NME9: variants seen among roughly 807,000 people sequenced by gnomAD.
NME9 encodes thioredoxin domain-containing protein 6.
NME9 carries 48 observed loss-of-function variants against 44.4 expected under a neutral mutation model. The observed-to-expected ratio is 1.08, with a 90% CI of 0.86 to 1.37. The LOEUF (loss-of-function observed/expected upper bound fraction) is 1.37, where lower values mean the gene tolerates loss of function less well. Ranked by LOEUF, NME9 falls within the 40% of genes most tolerant of loss-of-function variation. The pLI, the probability that NME9 is intolerant of heterozygous loss-of-function variation, is 0.00. For missense variants in NME9, 325 were observed against 405.2 expected, an observed-to-expected ratio of 0.80 and a Z score of 1.70; for synonymous variants, 139 against 147.1, an observed-to-expected ratio of 0.94 and a Z score of 0.40.
At chr3:138,270,052 T>G (rs1560021981) in intron 8 of NME9, 1 of 1,612,852 alleles carries the variant, frequency 6.2e-7, no homozygotes, top group Non-Finnish European at 8.5e-7. Flanking sequence ...AATTTTGGAA[T>G]CAGGAGCCGT....
At chr3:138,320,661 G>A (rs1426559907) in intron 2 of NME9, among the ~76,000 whole-genome samples, 1 of 152,228 alleles carries the variant, frequency 6.6e-6, no homozygotes, top group East Asian at 1.9e-4. Flanking sequence ...GGGAAGGAAG[G>A]CTTCCCATGA....
intron 8 of NME9, among the ~76,000 whole-genome samples, chr3:138,268,034 G>A (rs1201772104): frequency 6.6e-6 from 1 of 152,140 alleles, no homozygotes; most frequent in Non-Finnish European, 1.5e-5. Context: ...CTTGAGGTCA[G>A]GAGTTTGAGA....
At chr3:138,295,996 T>G in intron 8 of NME9, 1 of 1,255,112 alleles carries the variant, frequency 8.0e-7, no homozygotes. Flanking sequence ...CACCTTGGAC[T>G]GCAGGGAGCT....
intron 1 of NME9, among the ~76,000 whole-genome samples, chr3:138,325,598 G>C (rs931348371): frequency 8.6e-5 from 13 of 151,966 alleles, no homozygotes; most frequent in African/African-American, 3.1e-4. Context: ...AGTTGAGACG[G>C]GGTTCCACCA....
At position 138,272,451 on chromosome 3, in the gene NME9, A is replaced by G. The variant is rs531154301; in HGVS notation, c.746-9865T>C. 4.0e-5 allele frequency among the ~76,000 whole-genome samples: 6 copies of G among 151,790 alleles called. No homozygotes were observed. The South Asian group carries it at 8.3e-4, about 21-fold the overall frequency. On this transcript the variant is annotated intron_variant, in intron 8 of 8. Coordinates refer to the NME9 transcript ENST00000317876. ...GTACCTAAAAGTGGTCACATTCCTC[A>G]TGTAGAAGTATATCTAAGAGTAACA...
intron 6 of NME9, among the ~76,000 whole-genome samples, chr3:138,307,677 G>A (rs779713850): frequency 7.9e-5 from 12 of 152,164 alleles, no homozygotes; most frequent in Non-Finnish European, 1.8e-4. Flanking sequence ...TAGAGGTAGA[G>A]GAAGAAGAAA....
At chr3:138,277,638 A>AT (rs1203201776) in intron 8 of NME9, among the ~76,000 whole-genome samples, 1 of 152,210 alleles carries the variant, frequency 6.6e-6, no homozygotes, top group East Asian at 1.9e-4. Flanking sequence ...ATAGCTAAAA[A>AT]TTTTTTTAAA....
downstream of NME9, chr3:138,297,381 G>C (rs146600810): frequency 1.1e-4 from 16 of 152,180 alleles, no homozygotes; most frequent in East Asian, 3.1e-3. Context: ...TTTTCTCTTT[G>C]CTAAAAGAAG....
At chr3:138,275,421 C>T (rs1468867732) in intron 8 of NME9, among the ~76,000 whole-genome samples, 1 of 152,036 alleles carries the variant, frequency 6.6e-6, no homozygotes, top group African/African-American at 2.4e-5. Flanking sequence ...TAGCCAGGCG[C>T]GGTGGCGGGT....
intron 8 of NME9, chr3:138,287,654 T>C (rs1231865435): frequency 6.6e-6 from 3 of 456,606 alleles, no homozygotes; most frequent in Non-Finnish European, 1.3e-5. Context: ...GGACATCTCC[T>C]TAAAAGTGTT....
downstream of NME9, chr3:138,298,147 G>T (rs1283402444): frequency 6.6e-6 from 1 of 152,234 alleles, no homozygotes; most frequent in Non-Finnish European, 1.5e-5. Context: ...ACATGGTATT[G>T]TGTCTACACC....
At chr3:138,307,481 A>G (rs2052359390) in intron 6 of NME9, among the ~76,000 whole-genome samples, 1 of 152,240 alleles carries the variant, frequency 6.6e-6, no homozygotes, top group Non-Finnish European at 1.5e-5. Context: ...ACAAGACAAT[A>G]TCTACATTTA....
intron 8 of NME9, among the ~76,000 whole-genome samples, chr3:138,279,152 A>G (rs895419962): frequency 6.6e-6 from 1 of 152,292 alleles, no homozygotes; most frequent in South Asian, 2.1e-4. Flanking sequence ...TAGGTTTTTC[A>G]TAGATTCCCT....
intron 1 of NME9, among the ~76,000 whole-genome samples, 199 bp from the exon 2 acceptor site, chr3:138,325,129 T>A (rs926834818): frequency 2.0e-5 from 3 of 152,236 alleles, no homozygotes; most frequent in African/African-American, 4.8e-5. Flanking sequence ...CTAAGAATGA[T>A]GTATACTAGT....
chr3:138,266,536 T>C (rs768015383), intron 8 of NME9, among the ~76,000 whole-genome samples: 18 of 152,198 alleles, frequency 1.2e-4, no homozygotes, highest in Non-Finnish European at 2.2e-4. Context: ...TCCCTTATTA[T>C]TCACTATATC....
At chr3:138,305,841 A>G in intron 8 of NME9, 163 bp downstream of exon 8, 4 of 600,304 alleles carry the variant, frequency 6.7e-6, no homozygotes, top group Non-Finnish European at 1.2e-5. Flanking sequence ...ACTTTACCTG[A>G]TACAGCCTAT....
intron 8 of NME9, chr3:138,267,297 A>G: frequency 9.2e-7 from 1 of 1,082,020 alleles, no homozygotes; most frequent in South Asian, 1.6e-5. Flanking sequence ...AGCTTACTCA[A>G]ATACTTTTTA....
chr3:138,281,516 C>A (rs1016697845), intron 8 of NME9, among the ~76,000 whole-genome samples: 4 of 152,144 alleles, frequency 2.6e-5, no homozygotes, highest in African/African-American at 9.7e-5. Flanking sequence ...TGGTCTCAAT[C>A]TCTTGACCTC....
At chr3:138,288,896 C>A in intron 8 of NME9, 1 of 593,694 alleles carries the variant, frequency 1.7e-6, no homozygotes, top group Non-Finnish European at 3.0e-6. Flanking sequence ...CTTGGTCTCC[C>A]AAAGTGCTGG....
Sources: gnomAD v4.1 joint callset for allele counts (sites outside exome capture counted in the v4.1 genomes callset) on GRCh38, gnomAD v4.1.1 for gene constraint, MANE v1.5 for transcripts, NCBI Gene and HGNC (gene_info 2026-07-23, HGNC 2026-07-21) for gene names.